SIPA1L2: variants seen among roughly 807,000 people sequenced by gnomAD.
SIPA1L2 encodes signal-induced proliferation-associated 1-like protein 2.
In SIPA1L2, 56 loss-of-function variants were observed where a neutral mutation model predicts 163.9. The ratio of observed to expected loss-of-function variants is 0.34; its 90% confidence interval spans 0.28 to 0.43. The LOEUF (loss-of-function observed/expected upper bound fraction) is 0.43, where lower values mean the gene tolerates loss of function less well. Among genes scored for constraint, SIPA1L2 ranks in the 20% least tolerant of loss-of-function variants. The pLI is 1.00. For synonymous variants in SIPA1L2, 877 were observed against 865.7 expected (o/e 1.01, Z -0.23); for missense variants, 1,974 against 2,193.5 (o/e 0.90, Z 2.00).
At chr1:232,488,655 G>A (rs749916923) in intron 5 of SIPA1L2, among the ~76,000 whole-genome samples, 11 of 152,298 alleles carry the variant, frequency 7.2e-5, no homozygotes, top group South Asian at 4.1e-4. Flanking sequence ...TACGAAATGC[G>A]TGGTTTTATC....
chr1:232,581,101 C>CCCT (rs1194586718), intron 1 of SIPA1L2, among the ~76,000 whole-genome samples: 2 of 152,280 alleles, frequency 1.3e-5, no homozygotes, highest in Non-Finnish European at 2.9e-5. Flanking sequence ...CTCTTACCCT[C>CCCT]CCTCTTGTGC....
intron 1 of SIPA1L2, among the ~76,000 whole-genome samples, chr1:232,594,651 TAA>T (rs1661152771): frequency 6.6e-6 from 1 of 152,164 alleles, no homozygotes; most frequent in Non-Finnish European, 1.5e-5. Context: ...CTATTCTTTT[TAA>T]GTTTTTTTTT....
chr1:232,416,442 C>T (rs1177935190), intron 18 of SIPA1L2, among the ~76,000 whole-genome samples: 3 of 152,202 alleles, frequency 2.0e-5, no homozygotes, highest in Non-Finnish European at 4.4e-5. Flanking sequence ...GGTTTTCTTC[C>T]AGGGGGCTTC....
chr1:232,593,505 A>G (rs958012526), intron 1 of SIPA1L2, among the ~76,000 whole-genome samples: 2 of 152,216 alleles, frequency 1.3e-5, no homozygotes, highest in African/African-American at 2.4e-5. Context: ...AGCTCGCAGA[A>G]TAAGAATTCT....
intron 6 of SIPA1L2, among the ~76,000 whole-genome samples, chr1:232,480,520 A>G (rs778478315): frequency 1.7e-4 from 26 of 152,208 alleles, no homozygotes; most frequent in Non-Finnish European, 2.6e-4. Context: ...CTCCATCTGT[A>G]TTATCAATAA....
intron 2 of SIPA1L2, among the ~76,000 whole-genome samples, chr1:232,545,572 G>A (rs970452774): frequency 6.6e-6 from 1 of 152,178 alleles, no homozygotes; most frequent in Admixed American, 6.5e-5. Context: ...TTGTTCTTGG[G>A]CTGTTTTTCC....
intron 18 of SIPA1L2, among the ~76,000 whole-genome samples, chr1:232,420,062 C>T (rs1224052097): frequency 6.6e-6 from 1 of 152,152 alleles, no homozygotes; most frequent in African/African-American, 2.4e-5. Flanking sequence ...TGGCTCACAC[C>T]TGTAATCCCA....
At chr1:232,519,849 G>C (rs61121389) in intron 2 of SIPA1L2, among the ~76,000 whole-genome samples, 2,539 of 152,294 alleles carry the variant, frequency 0.017, 77 homozygotes, top group African/African-American at 0.059. Flanking sequence ...GATACTAACT[G>C]CTTTCCTAAG....
rs115575632 is a variant in SIPA1L2, at chr1:232,626,350, C to T, written c.-319+3519G>A. 6.1e-3 allele frequency among the ~76,000 whole-genome samples: 928 copies of T among 151,130 alleles called. 12 individuals are homozygous for T. Among genetic ancestry groups the T allele is most frequent in the African/African-American group, 0.021 (864 of 41,116 alleles). ...GAGCATGACAACTAGACTCGACTTG[C>T]TGCATATTTTCTTCCTTCCTACCAC... On this transcript the variant is annotated intron_variant, in intron 1 of 22. Transcript: ENST00000674635.
chr1:232,553,810 A>G (rs184573875), intron 2 of SIPA1L2, among the ~76,000 whole-genome samples: 45 of 152,360 alleles, frequency 3.0e-4, no homozygotes, highest in Middle Eastern at 6.8e-3. Flanking sequence ...AAATTCCAAG[A>G]GTACAAACAC....
chr1:232,400,847 T>C (rs1660295608), intron 22 of SIPA1L2, among the ~76,000 whole-genome samples: 1 of 152,156 alleles, frequency 6.6e-6, no homozygotes, highest in Non-Finnish European at 1.5e-5. Context: ...ACCATGCTAT[T>C]GTCAATGACT....
intron 18 of SIPA1L2, among the ~76,000 whole-genome samples, chr1:232,423,308 G>A (rs975887657): frequency 1.3e-5 from 2 of 152,276 alleles, no homozygotes; most frequent in East Asian, 1.9e-4. Flanking sequence ...TGGCCCCATC[G>A]TAAGTCAAGG....
intron 4 of SIPA1L2, 28 bp from the exon 5 acceptor site, chr1:232,491,090 T>C (rs1216889416): frequency 6.3e-7 from 1 of 1,585,050 alleles, no homozygotes; most frequent in East Asian, 2.3e-5. Context: ...AAGACTTCGG[T>C]TAATATTGAT....
At chr1:232,493,393 T>C (rs1666029478) in intron 4 of SIPA1L2, 134 bp downstream of exon 4, 1 of 1,224,604 alleles carries the variant, frequency 8.2e-7, no homozygotes, top group Admixed American at 2.3e-5. Context: ...ATGCCCTTTT[T>C]AATTATCTTA....
chr1:232,460,821 T>C, intron 10 of SIPA1L2, 66 bp downstream of exon 10: 1 of 1,559,208 alleles, frequency 6.4e-7, no homozygotes. Flanking sequence ...GCAGGAGCAC[T>C]GAGGACAGCC....
intron 8 of SIPA1L2, among the ~76,000 whole-genome samples, chr1:232,469,377 C>A (rs1256992495): frequency 6.6e-6 from 1 of 152,050 alleles, no homozygotes; most frequent in Non-Finnish European, 1.5e-5. Context: ...ATGAAACAGA[C>A]CAATAAGGTG....
chr1:232,441,718 AG>A, intron 13 of SIPA1L2, 49 bp downstream of exon 13: 1 of 1,443,694 alleles, frequency 6.9e-7, no homozygotes, highest in Non-Finnish European at 9.7e-7. Context: ...GGGGGCAGAG[AG>A]GGGGAAAGGG....
chr1:232,528,340 C>CT (rs1667819202), intron 2 of SIPA1L2, among the ~76,000 whole-genome samples: 1 of 152,040 alleles, frequency 6.6e-6, no homozygotes. Context: ...AGTCAAATGA[C>CT]TGTGTTTCCA....
At chr1:232,563,990 TGTGTGTGA>T in intron 2 of SIPA1L2, among the ~76,000 whole-genome samples, 1 of 137,464 alleles carries the variant, frequency 7.3e-6, no homozygotes, top group Admixed American at 7.0e-5. Context: ...TGTGTGTGTG[TGTGTGTGA>T]TGGAGTTTTG....
Sources: allele counts gnomAD v4.1 joint callset (sites outside exome capture counted in the v4.1 genomes callset), GRCh38; gene constraint gnomAD v4.1.1; transcripts MANE v1.5; gene names NCBI Gene and HGNC (gene_info 2026-07-23, HGNC 2026-07-21).